NSD1: variants seen among roughly 807,000 people sequenced by gnomAD.
The protein encoded by NSD1 is histone-lysine N-methyltransferase, H3 lysine-36 specific.
NSD1 carries 26 observed loss-of-function variants against 242.7 expected under a neutral mutation model. The observed-to-expected ratio is 0.11, with a 90% CI of 0.08 to 0.15. NSD1 has a LOEUF of 0.15. NSD1 is among the 10% of genes least tolerant of loss of function. The pLI, the probability that NSD1 is intolerant of heterozygous loss-of-function variation, is 1.00. For synonymous variants in NSD1, 1,106 were observed against 1,178.1 expected (o/e 0.94, Z 1.25); for missense variants, 2,495 against 3,272.8 (o/e 0.76, Z 5.80).
intron 2 of NSD1, among the ~76,000 whole-genome samples, chr5:177,156,173 G>GTTT (rs1167287541): frequency 8.6e-6 from 1 of 116,760 alleles, no homozygotes; most frequent in African/African-American, 3.5e-5. Context: ...GCTCTTTTCA[G>GTTT]ATTTTTTTTT....
intron 13 of NSD1, among the ~76,000 whole-genome samples, chr5:177,258,883 T>C (rs1266912904): frequency 1.3e-5 from 2 of 152,066 alleles, no homozygotes; most frequent in East Asian, 3.9e-4. Context: ...GAGGTCTCGC[T>C]CTGTTGCCCA....
chr5:177,296,922 C>G lies in NSD1; in HGVS notation c.*1463C>G, dbSNP rs1477426518. On this transcript the variant is annotated 3_prime_UTR_variant, in exon 23 of 23. Transcript: ENST00000439151. ...TTTGCCAACTTAGCCAGCAGGCCAT[C>G]CCCGGCCCTAACGTCTCCTGGCCAT... 8.6e-6 allele frequency: 2 copies of G among 233,186 alleles called. No homozygotes were observed. Among genetic ancestry groups the G allele is most frequent in the Non-Finnish European group, 1.7e-5 (2 of 118,074 alleles). 14.4% of individuals were successfully genotyped at this position (233,186 alleles called of 1,614,324 possible).
intron 5 of NSD1, among the ~76,000 whole-genome samples, chr5:177,229,162 T>C (rs549256966): frequency 7.9e-5 from 12 of 152,262 alleles, no homozygotes; most frequent in Non-Finnish European, 1.5e-4. Flanking sequence ...CCTAATTTTA[T>C]TTATTCATTC....
intron 4 of NSD1, 84 bp from the exon 5 acceptor site, chr5:177,209,552 A>G (rs1257376390): frequency 5.5e-6 from 6 of 1,083,852 alleles, no homozygotes; most frequent in Non-Finnish European, 8.0e-6. Context: ...AAAGGAATAA[A>G]AAAAAAAGCT....
chr5:177,256,978 A>G lies in NSD1; in HGVS notation c.4793A>G (p.Gln1598Arg). The change falls in exon 13 of 23, where the codon CAG becomes CGG. Residue 1598 changes from glutamine to arginine, a missense_variant. Transcript: ENST00000439151. ...ATCCATACCTGTTTTGTATGTAAGC[A>G]GAGTGGGGAAGATGTTAAAAGGTGC... ...TGIHTCFVCK[Q>R]SGEDVKRCLL... is the part of the protein sequence containing the mutation. The G allele has an allele frequency of 6.2e-7, 1 of 1,614,136 alleles. No individual in the cohort carries two copies. Among genetic ancestry groups the G allele is most frequent in the Non-Finnish European group, 8.5e-7 (1 of 1,180,006 alleles).
chr5:177,269,861 G>A lies in NSD1; in HGVS notation c.5509+54G>A. 3 of 1,463,462 alleles carry A rather than the reference G, an allele frequency of 2.0e-6. No individual in the cohort carries two copies. The highest frequency in any genetic ancestry group is 2.8e-6 in the Non-Finnish European group (3 of 1,062,298). The allele number at this position is 1,463,462 out of a possible 1,614,324, so 90.7% of individuals were successfully genotyped here. A position where few individuals can be genotyped will look rare whatever the true frequency, so the allele number is the denominator to read the frequency against. On this transcript the variant is annotated intron_variant, in intron 16 of 22. Coordinates refer to ENST00000439151, the MANE Select transcript of NSD1 (RefSeq NM_022455.5). This position sits in a 1 kb window ranked among gnomAD's most constrained non-coding sequence, Gnocchi z 5.1. ...AAACACAGACCTCTGTTACCTGAGT[G>A]TCTGATCTGTTTTAGAATTCACATA...
intron 2 of NSD1, among the ~76,000 whole-genome samples, chr5:177,171,643 T>C (rs187705600): frequency 3.5e-4 from 53 of 152,326 alleles, no homozygotes; most frequent in Admixed American, 2.1e-3. Context: ...CCTTTGTCTA[T>C]TTTGGCCATT....
chr5:177,252,039 A>C (rs1756012040), intron 12 of NSD1, among the ~76,000 whole-genome samples, 186 bp downstream of exon 12: 1 of 152,246 alleles, frequency 6.6e-6, no homozygotes, highest in South Asian at 2.1e-4. Flanking sequence ...GTAGCATAAT[A>C]CAGTGCAAAA....
At chr5:177,207,360 A>G (rs1340266426) in intron 4 of NSD1, among the ~76,000 whole-genome samples, 1 of 150,006 alleles carries the variant, frequency 6.7e-6, no homozygotes, top group Non-Finnish European at 1.5e-5. Context: ...TCAGCTCACT[A>G]CAACCTCCGC....
chr5:177,291,129 C>T (rs1389581928), intron 21 of NSD1, among the ~76,000 whole-genome samples: 1 of 152,194 alleles, frequency 6.6e-6, no homozygotes, highest in Admixed American at 6.5e-5. Flanking sequence ...CTGCAGGGAA[C>T]AAAGAGAGAA....
intron 2 of NSD1, among the ~76,000 whole-genome samples, chr5:177,190,983 T>C (rs865925617): frequency 0.025 from 2,671 of 107,902 alleles, 19 homozygotes; most frequent in African/African-American, 0.035. Flanking sequence ...TTTTTTTTCT[T>C]TTTTTTTTTT....
chr5:177,159,361 T>C (rs1581163705), intron 2 of NSD1, among the ~76,000 whole-genome samples: 2 of 150,004 alleles, frequency 1.3e-5, no homozygotes, highest in Admixed American at 1.3e-4. Context: ...CTTGGCTCCC[T>C]GTAACCCATC....
chr5:177,205,977 C>T (rs536380070), intron 4 of NSD1, among the ~76,000 whole-genome samples: 1 of 152,138 alleles, frequency 6.6e-6, no homozygotes, highest in South Asian at 2.1e-4. Context: ...ATATGTATGA[C>T]TACAGTGGCT....
At chr5:177,236,998 G>T (rs1030827777) in intron 6 of NSD1, among the ~76,000 whole-genome samples, 1 of 152,066 alleles carries the variant, frequency 6.6e-6, no homozygotes, top group Non-Finnish European at 1.5e-5. Context: ...TACCACACCT[G>T]GCTAATTTTT....
intron 2 of NSD1, among the ~76,000 whole-genome samples, chr5:177,176,762 T>C (rs1188288508): frequency 6.6e-6 from 1 of 152,214 alleles, no homozygotes; most frequent in Non-Finnish European, 1.5e-5. Flanking sequence ...GAAGAGCTTA[T>C]AACAACTTTG....
chr5:177,155,561 C>CTTTTTT (rs58025377), intron 2 of NSD1, among the ~76,000 whole-genome samples: 3 of 96,602 alleles, frequency 3.1e-5, no homozygotes, highest in African/African-American at 7.0e-5. Flanking sequence ...ACCGCACTGG[C>CTTTTTT]TTTTTTTTTT....
chr5:177,233,172 T>C (rs899176048), intron 5 of NSD1, among the ~76,000 whole-genome samples: 43 of 152,172 alleles, frequency 2.8e-4, no homozygotes, highest in Non-Finnish European at 4.4e-5. Context: ...TCTTCCAGAC[T>C]CAAGCATTCT....
Position 177,210,822 on chromosome 5 carries a change from A to T in NSD1, c.2423A>T (p.Glu808Val). 6.2e-7 allele frequency: 1 copy of T among 1,614,196 alleles called. No individual in the cohort carries two copies. Among genetic ancestry groups the T allele is most frequent in the Non-Finnish European group, 8.5e-7 (1 of 1,180,030 alleles). The change falls in exon 5 of 23, where the codon GAG (glutamate) becomes GTG (valine). Residue 808 changes from glutamate to valine, a missense_variant. Physicochemically the swap from Glu to Val is moderately radical, Grantham distance 121 (BLOSUM62 -2). This residue lies in a region of NSD1 where 515 missense variants were observed against 467.0 expected (regional missense o/e 1.10). Coordinates refer to ENST00000439151, the MANE Select transcript of NSD1 (RefSeq NM_022455.5). Reference sequence around the variant, plus strand: ...ATGGCAGAACCCCCAGTTATAAATGAGGAGTGCAGTTTGAAATGCTGCTCT... The same window carrying T: ...ATGGCAGAACCCCCAGTTATAAATGTGGAGTGCAGTTTGAAATGCTGCTCT... The part of the protein sequence containing the change: ...PVMAEPPVIN[E>V]ECSLKCCSSD...
At position 177,243,341 on chromosome 5, in the gene NSD1, C is replaced by T. The variant is rs552112801; in HGVS notation, c.4303-854C>T. The stretch of plus-strand genomic sequence containing the variant: ...CTGGGATTACAGGCATGTGCCACTG[C>T]ACCTAGCTAATTTTTGTATAATTTT... On this transcript the variant is annotated intron_variant, in intron 8 of 22. Coordinates refer to ENST00000439151, the MANE Select transcript of NSD1 (RefSeq NM_022455.5). Among the ~76,000 whole-genome samples the T allele has an allele frequency of 2.6e-5, 4 of 152,244 alleles. No homozygotes were observed. In the East Asian group the frequency reaches 5.8e-4, roughly 22 times the overall value.
Sources: gnomAD v4.1 joint callset for allele counts (sites outside exome capture counted in the v4.1 genomes callset) on GRCh38, gnomAD v4.1.1 for gene constraint, gnomAD v4.1.1 regional missense constraint, Gnocchi (gnomAD v3.1) non-coding constraint, MANE v1.5 for transcripts, NCBI Gene and HGNC (gene_info 2026-07-23, HGNC 2026-07-21) for gene names.